MYO18B: variants seen among roughly 807,000 people sequenced by gnomAD.
The protein encoded by MYO18B is myosin XVIIIB.
In MYO18B, 204 loss-of-function variants were observed where a neutral mutation model predicts 273.0. The observed-to-expected ratio is 0.75, with a 90% CI of 0.67 to 0.84. MYO18B has a LOEUF of 0.84. Among genes scored for constraint, MYO18B ranks in the 40% least tolerant of loss-of-function variants. The pLI, the probability that MYO18B is intolerant of heterozygous loss-of-function variation, is 0.00. For missense variants in MYO18B, 3,212 were observed against 3,287.6 expected, an observed-to-expected ratio of 0.98 and a Z score of 0.56; for synonymous variants, 1,330 against 1,305.7, an observed-to-expected ratio of 1.02 and a Z score of -0.40.
At chr22:25,776,009 C>T (rs368772714) in intron 7 of MYO18B, among the ~76,000 whole-genome samples, 44 of 152,254 alleles carry the variant, frequency 2.9e-4, no homozygotes, top group South Asian at 1.2e-3. Flanking sequence ...TGACAGTTCC[C>T]GTCACCCCCA....
intron 13 of MYO18B, among the ~76,000 whole-genome samples, chr22:25,825,932 G>A (rs2089473634): frequency 6.6e-6 from 1 of 152,194 alleles, no homozygotes; most frequent in Admixed American, 6.5e-5. Flanking sequence ...CATTTACTGA[G>A]TGTCTGCTAT....
chr22:25,763,440 C>T, intron 3 of MYO18B, 51 bp downstream of exon 3: 1 of 1,567,948 alleles, frequency 6.4e-7, no homozygotes, highest in South Asian at 1.2e-5. Flanking sequence ...ACCCATCATT[C>T]TGTCTTGTGA....
At chr22:25,834,130 TA>T in intron 16 of MYO18B, among the ~76,000 whole-genome samples, 1 of 151,722 alleles carries the variant, frequency 6.6e-6, no homozygotes. Context: ...TGCAAATAGC[TA>T]CCTTCTTCTT....
intron 12 of MYO18B, among the ~76,000 whole-genome samples, chr22:25,812,357 C>A (rs1256130903): frequency 6.6e-6 from 1 of 152,154 alleles, no homozygotes; most frequent in Non-Finnish European, 1.5e-5. Context: ...CTTCTCCCTT[C>A]CTTCTCCACC....
At chr22:26,046,540 A>G in the MYO18B span, among the ~76,000 whole-genome samples, 1 of 152,230 alleles carries the variant, frequency 6.6e-6, no homozygotes, top group East Asian at 1.9e-4. Context: ...AAATATCCAA[A>G]TAGGTCCATT....
intron 34 of MYO18B, among the ~76,000 whole-genome samples, chr22:25,940,638 C>T (rs1446591790): frequency 5.9e-5 from 9 of 152,144 alleles, no homozygotes; most frequent in Admixed American, 2.0e-4. Context: ...AACATCCCCC[C>T]GGTGGTAGAG....
At chr22:25,948,432 TTCCTTCCTTCCTTCC>T (rs2092743079) in intron 36 of MYO18B, among the ~76,000 whole-genome samples, 2 of 129,370 alleles carry the variant, frequency 1.5e-5, no homozygotes, top group African/African-American at 6.9e-5. Context: ...CCTTCCTTCC[TTCCTTCCTTCCTTCC>T]TTCCTTCCTT....
At chr22:25,868,289 C>T (rs2090947660) in intron 21 of MYO18B, 31 bp from the exon 22 acceptor site, 2 of 1,567,904 alleles carry the variant, frequency 1.3e-6, no homozygotes, top group Non-Finnish European at 1.7e-6. Flanking sequence ...ACCTTCTATG[C>T]TGTCTAACTT....
chr22:25,826,495 A>G lies in MYO18B; in HGVS notation c.2782A>G (p.Asn928Asp), dbSNP rs762355306. 27 of 1,613,242 alleles carry G rather than the reference A, an allele frequency of 1.7e-5. No individual in the cohort carries two copies. The South Asian group carries it at 3.0e-4, about 18-fold the overall frequency. ...ELFAAVVSLI[N>D]RSFSSHHLSM... The stretch of plus-strand genomic sequence containing the variant: ...CTTTGCGGCTGTGGTCTCACTCATC[A>G]ACAGGTAACGGGGCCTTTTCCTAGG... The change falls in exon 14 of 44, where the codon AAC becomes GAC. Residue 928 changes from asparagine to aspartate, a missense_variant. Physicochemically the swap from Asn to Asp is conservative, Grantham distance 23 (BLOSUM62 1). Transcript: ENST00000335473.
the MYO18B span, among the ~76,000 whole-genome samples, chr22:26,041,505 C>G: frequency 2.1e-3 from 316 of 152,170 alleles, 1 homozygote; most frequent in African/African-American, 7.3e-3. Context: ...GCACTCCAGC[C>G]TAGGCAACAG....
the MYO18B span, among the ~76,000 whole-genome samples, chr22:26,052,578 G>C: frequency 6.6e-6 from 1 of 152,092 alleles, no homozygotes; most frequent in Non-Finnish European, 1.5e-5. Flanking sequence ...TGAGGGGTGA[G>C]AAACCAAGGG....
intron 42 of MYO18B, among the ~76,000 whole-genome samples, chr22:26,025,670 T>C (rs1936188211): frequency 6.6e-6 from 1 of 152,004 alleles, no homozygotes; most frequent in Non-Finnish European, 1.5e-5. Flanking sequence ...GACAAATAGA[T>C]TTTATTTATT....
At chr22:25,929,924 T>C (rs1301447832) in intron 34 of MYO18B, among the ~76,000 whole-genome samples, 9 of 152,142 alleles carry the variant, frequency 5.9e-5, no homozygotes, top group Non-Finnish European at 8.8e-5. Context: ...TCAAGATCCA[T>C]TGGTAGTTTC....
At chr22:25,860,302 AT>A (rs11335073) in intron 21 of MYO18B, among the ~76,000 whole-genome samples, 81,368 of 151,680 alleles carry the variant, frequency 0.54, 24,579 homozygotes, top group East Asian at 0.9. Context: ...GATTTCACTG[AT>A]TTTTTTTCTC....
At chr22:25,823,841 G>A (rs1301571529) in intron 13 of MYO18B, among the ~76,000 whole-genome samples, 163 bp downstream of exon 13, 1 of 152,160 alleles carries the variant, frequency 6.6e-6, no homozygotes, top group Admixed American at 6.5e-5. Flanking sequence ...GAAAGGGACC[G>A]GTCAATGCTA....
At chr22:26,047,405 C>T in the MYO18B span, among the ~76,000 whole-genome samples, 2 of 152,068 alleles carry the variant, frequency 1.3e-5, no homozygotes, top group Admixed American at 6.5e-5. Flanking sequence ...GGATTACAGG[C>T]GTGAGCCACC....
At chr22:25,753,120 C>T (rs1198148155) in intron 1 of MYO18B, among the ~76,000 whole-genome samples, 6 of 152,212 alleles carry the variant, frequency 3.9e-5, no homozygotes, top group Non-Finnish European at 7.3e-5. Context: ...AGAGCCTCCA[C>T]GGCACCGCGT....
Position 25,847,534 on chromosome 22 carries a change from A to G in MYO18B, c.3657A>G (p.Pro1219=), listed in dbSNP as rs2090290066. 1 of 1,573,814 alleles carries G rather than the reference A, an allele frequency of 6.4e-7. No homozygotes were observed. ...GGAGTGGGCAGGAATCTCCACCACC[A>G]CCGCAGCCTGGTAGAGACAAGCCTG... ...ESRSGQESPP[P]PQPGRDKPGA... is the part of the protein sequence containing the mutation. The change falls in exon 20 of 44, where the codon CCA becomes CCG. Residue 1219 remains proline (P), a synonymous_variant. Coordinates refer to ENST00000335473, the MANE Select transcript of MYO18B (RefSeq NM_032608.7).
the MYO18B span, among the ~76,000 whole-genome samples, chr22:26,060,633 A>G: frequency 0.011 from 1,680 of 152,156 alleles, 24 homozygotes; most frequent in African/African-American, 0.036. Context: ...ATACACAAAT[A>G]TACATATACA....
Sources: gnomAD v4.1 joint callset for allele counts (sites outside exome capture counted in the v4.1 genomes callset) on GRCh38, gnomAD v4.1.1 for gene constraint, MANE v1.5 for transcripts, NCBI Gene and HGNC (gene_info 2026-07-23, HGNC 2026-07-21) for gene names.